Variants in PPP6R1 observed in about 807,000 individuals in gnomAD.
PPP6R1 encodes the protein protein phosphatase 6 regulatory subunit 1.
Under a neutral mutation model 104.6 loss-of-function variants are expected in PPP6R1, and 39 were observed. That is an observed-to-expected ratio of 0.37 (90% CI 0.29 to 0.49). PPP6R1 has a LOEUF of 0.49. PPP6R1 is among the 20% of genes least tolerant of loss of function. The pLI, the probability that PPP6R1 is intolerant of heterozygous loss-of-function variation, is 0.98. For synonymous variants in PPP6R1, 549 were observed against 479.0 expected (o/e 1.15, Z -1.91); for missense variants, 1,181 against 1,155.8 (o/e 1.02, Z -0.32).
downstream of PPP6R1, chr19:55,228,737 T>C: frequency 6.2e-7 from 1 of 1,613,250 alleles, no homozygotes; most frequent in Non-Finnish European, 8.5e-7. Flanking sequence ...TTTGCCAGCG[T>C]CCATGCTGGC....
chr19:55,231,392 C>T lies in PPP6R1; in HGVS notation c.2459+18G>A, dbSNP rs1355749492. Reference sequence around the variant, plus strand: ...AAAGACTTCTCCCGATACTAGGCAGCCCCACCTCGCTGCTCACCTGTCCGA... The same window carrying T: ...AAAGACTTCTCCCGATACTAGGCAGTCCCACCTCGCTGCTCACCTGTCCGA... On this transcript the variant is annotated intron_variant, in intron 21 of 23. Transcript: ENST00000412770. The T allele has an allele frequency of 7.0e-6, 11 of 1,575,136 alleles. No individual in the cohort carries two copies. The highest frequency in any genetic ancestry group is 1.2e-5 in the South Asian group (1 of 85,628).
intron 1 of PPP6R1, among the ~76,000 whole-genome samples, chr19:55,252,777 ATCTGCCTGCC>A (rs2087563664): frequency 6.6e-6 from 1 of 152,056 alleles, no homozygotes; most frequent in African/African-American, 2.4e-5. Flanking sequence ...ACCTCAAGTG[ATCTGCCTGCC>A]TCGGCCTCCC....
At chr19:55,249,663 A>C (rs1172777258) in intron 1 of PPP6R1, among the ~76,000 whole-genome samples, 1 of 152,096 alleles carries the variant, frequency 6.6e-6, no homozygotes, top group Non-Finnish European at 1.5e-5. Context: ...CAACATGATG[A>C]AACCCCGTGT....
chr19:55,257,792 C>A (rs533192511), intron 1 of PPP6R1, among the ~76,000 whole-genome samples: 1 of 152,346 alleles, frequency 6.6e-6, no homozygotes, highest in South Asian at 2.1e-4. Flanking sequence ...CAGGGCAGGG[C>A]CTAGGGCTGA....
In PPP6R1 at chr19:55,236,674, C is replaced by T. The variant is rs779964546; in HGVS notation, c.1957G>A (p.Gly653Arg). The T allele has an allele frequency of 1.3e-5, 20 of 1,598,032 alleles. No homozygotes were observed. Among genetic ancestry groups the T allele is most frequent in the Non-Finnish European group, 1.7e-5 (20 of 1,172,742 alleles). ...GAWQGSQLAR[G>R]ARLGQPPGVR... Reference sequence around the variant, plus strand: ...CCAGGTGGCTGGCCCAGACGGGCCCCCCTGGCCAGCTGGCTGCCCTGCCAG... The same window carrying T: ...CCAGGTGGCTGGCCCAGACGGGCCCTCCTGGCCAGCTGGCTGCCCTGCCAG... The change falls in exon 17 of 24, where the codon GGG (glycine) becomes AGG (arginine). Residue 653 changes from glycine to arginine, a missense_variant. Physicochemically the swap from Gly to Arg is moderately radical, Grantham distance 125 (BLOSUM62 -2). Around this residue, in one of 2 missense-constraint regions of PPP6R1, gnomAD observed 1,042 missense variants for 955.6 expected, o/e 1.09. Coordinates refer to ENST00000412770, the MANE Select transcript of PPP6R1 (RefSeq NM_014931.4).
At chr19:55,258,281 C>G (rs2087610473) in intron 1 of PPP6R1, among the ~76,000 whole-genome samples, 154 bp downstream of exon 1, 1 of 152,044 alleles carries the variant, frequency 6.6e-6, no homozygotes, top group Non-Finnish European at 1.5e-5. Context: ...AACGGGGTGC[C>G]GTGGAGAGGA....
chr19:55,240,984 G>T lies in PPP6R1; in HGVS notation c.1257C>A (p.Ser419Arg). ...TMLSLGPPPD[S>R]SPETPIQNPV... Reference sequence around the variant, plus strand: ...GGTTTTGGATGGGCGTCTCAGGGCTGCTGTCAGGAGGTGGCCCCAAGCTCA... The same window carrying T: ...GGTTTTGGATGGGCGTCTCAGGGCTTCTGTCAGGAGGTGGCCCCAAGCTCA... Residue 419 changes from serine (S) to arginine (R), a missense_variant, in exon 10 of 24, where the codon AGC becomes AGA. Around this residue, in one of 2 missense-constraint regions of PPP6R1, gnomAD observed 1,042 missense variants for 955.6 expected, o/e 1.09. Transcript: ENST00000412770. The T allele has an allele frequency of 6.2e-7, 1 of 1,600,474 alleles. No homozygotes were observed. The highest frequency in any genetic ancestry group is 8.5e-7 in the Non-Finnish European group (1 of 1,174,008).
chr19:55,232,052 G>C (rs1460251046), intron 18 of PPP6R1, 23 bp downstream of exon 18: 19 of 1,611,992 alleles, frequency 1.2e-5, no homozygotes, highest in Non-Finnish European at 1.6e-5. Flanking sequence ...GTGTACACCT[G>C]ACCACACCGC....
downstream of PPP6R1, chr19:55,228,629 C>T (rs895158459): frequency 2.8e-5 from 44 of 1,571,118 alleles, no homozygotes; most frequent in South Asian, 9.1e-5. Context: ...CCAGACCCGC[C>T]GGCTGCTGGG....
rs748466895 is a variant in PPP6R1, at chr19:55,247,168, G to A, written c.-6-59C>T. 21 of 1,539,748 alleles carry A rather than the reference G, an allele frequency of 1.4e-5. No homozygotes were observed. In the African/African-American group the frequency reaches 1.5e-4, roughly 11 times the overall value. Reference sequence around the variant, plus strand: ...ACGCCCCAGGGAGTCCCCACTGGACGAGGCACTGACCACAGGGGCTGAGTG... The same window carrying A: ...ACGCCCCAGGGAGTCCCCACTGGACAAGGCACTGACCACAGGGGCTGAGTG... On this transcript the variant is annotated intron_variant, in intron 1 of 23. Coordinates refer to ENST00000412770, the MANE Select transcript of PPP6R1 (RefSeq NM_014931.4).
chr19:55,231,899 T>G lies in PPP6R1; in HGVS notation c.2209A>C (p.Thr737Pro). 3 of 1,523,546 alleles carry G rather than the reference T, an allele frequency of 2.0e-6. No homozygotes were observed. The highest frequency in any genetic ancestry group is 2.6e-6 in the Non-Finnish European group (3 of 1,133,302). 94.4% of individuals were successfully genotyped at this position (1,523,546 alleles called of 1,614,324 possible). A position where few individuals can be genotyped will look rare whatever the true frequency, so the allele number is the denominator to read the frequency against. ...PRVSGEEELHTGPPAPQGPLS... is the reference protein window; with the variant it reads ...PRVSGEEELHPGPPAPQGPLS... ...GGCCCCTGTGGGGCTGGAGGCCCAG[T>G]GTGCAGCTCTTCCTCCCCGGAGACT... Residue 737 changes from threonine (T) to proline (P), a missense_variant, in exon 19 of 24, where the codon ACT (threonine) becomes CCT (proline). Coordinates refer to ENST00000412770, the MANE Select transcript of PPP6R1 (RefSeq NM_014931.4).
At chr19:55,253,799 T>C (rs1039783506) in intron 1 of PPP6R1, among the ~76,000 whole-genome samples, 11 of 152,324 alleles carry the variant, frequency 7.2e-5, no homozygotes, top group African/African-American at 2.6e-4. Context: ...TAATGAAGCC[T>C]GCTAGAATCC....
chr19:55,248,619 A>G (rs1245668392), intron 1 of PPP6R1, among the ~76,000 whole-genome samples: 1 of 152,144 alleles, frequency 6.6e-6, no homozygotes, highest in Non-Finnish European at 1.5e-5. Flanking sequence ...CAGTTCAGTC[A>G]TTCCCTCTGC....
intron 15 of PPP6R1, among the ~76,000 whole-genome samples, chr19:55,237,905 T>C (rs1012973683): frequency 6.6e-6 from 1 of 152,216 alleles, no homozygotes; most frequent in African/African-American, 2.4e-5. Context: ...TCCGGAAATC[T>C]TTCTGGGTTT....
intron 1 of PPP6R1, among the ~76,000 whole-genome samples, chr19:55,256,322 C>G (rs577434529): frequency 3.3e-5 from 5 of 152,232 alleles, no homozygotes; most frequent in Non-Finnish European, 5.9e-5. Context: ...CGGTTCTTTT[C>G]GGTGTTGGGG....
chr19:55,235,840 CTTTTTTTTT>C (rs1196377498), intron 17 of PPP6R1, among the ~76,000 whole-genome samples: 1 of 113,066 alleles, frequency 8.8e-6, no homozygotes, highest in Non-Finnish European at 1.9e-5. Flanking sequence ...TTTGTTGATT[CTTTTTTTTT>C]TTTTTTTTTT....
chr19:55,253,610 T>A (rs1201272783), intron 1 of PPP6R1, among the ~76,000 whole-genome samples: 1 of 152,128 alleles, frequency 6.6e-6, no homozygotes, highest in Non-Finnish European at 1.5e-5. Flanking sequence ...AAAATCAGAA[T>A]AGACTGAAAG....
chr19:55,243,328 G>A (rs1007173559), intron 5 of PPP6R1, among the ~76,000 whole-genome samples: 11 of 150,028 alleles, frequency 7.3e-5, no homozygotes, highest in Non-Finnish European at 1.3e-4. Context: ...CAGGAGAATC[G>A]CTTGAACCTG....
In PPP6R1 at chr19:55,252,936, A is replaced by G. The variant is rs566389342; in HGVS notation, c.-7+5499T>C. 2.1e-3 allele frequency among the ~76,000 whole-genome samples: 319 copies of G among 151,970 alleles called. 3 individuals carry two copies. The highest frequency in any genetic ancestry group is 7.1e-3 in the African/African-American group (295 of 41,486). On this transcript the variant is annotated intron_variant, in intron 1 of 23. Transcript: ENST00000412770. ...AGGCCATCGGCCATGGCAGGGACAG[A>G]GCCAGGGCCAGGCTCAGGCCTTGCA...
Sources: gnomAD v4.1 joint callset for allele counts (sites outside exome capture counted in the v4.1 genomes callset) on GRCh38, gnomAD v4.1.1 for gene constraint, gnomAD v4.1.1 regional missense constraint, MANE v1.5 for transcripts, NCBI Gene and HGNC (gene_info 2026-07-23, HGNC 2026-07-21) for gene names.